STARD13: variants seen among roughly 807,000 people sequenced by gnomAD.
The protein encoded by STARD13 is stAR-related lipid transfer protein 13.
In STARD13, 62 loss-of-function variants were observed where a neutral mutation model predicts 106.4. The observed-to-expected ratio is 0.58, with a 90% confidence interval of 0.48 to 0.72. STARD13 has a LOEUF of 0.72. STARD13 is among the 30% of genes least tolerant of loss of function. The pLI, the probability that STARD13 is intolerant of heterozygous loss-of-function variation, is 0.00. For synonymous variants in STARD13, 565 were observed against 553.0 expected (o/e 1.02, Z -0.31); for missense variants, 1,387 against 1,424.0 (o/e 0.97, Z 0.42).
the STARD13 span, among the ~76,000 whole-genome samples, chr13:33,648,090 T>G: frequency 6.6e-6 from 1 of 152,202 alleles, no homozygotes; most frequent in East Asian, 1.9e-4. Context: ...ATTTTAATCT[T>G]TCCAACTGCC....
the STARD13 span, among the ~76,000 whole-genome samples, chr13:33,513,894 C>G: frequency 6.6e-6 from 1 of 151,870 alleles, no homozygotes; most frequent in Non-Finnish European, 1.5e-5. Flanking sequence ...ATTCACGTAA[C>G]GTAACAAGGA....
At chr13:33,210,518 C>A (rs1011722171) in intron 1 of STARD13, among the ~76,000 whole-genome samples, 5 of 152,104 alleles carry the variant, frequency 3.3e-5, no homozygotes, top group African/African-American at 9.7e-5. Flanking sequence ...AGATTTAGTG[C>A]GTTAATGTAC....
intron 1 of STARD13, among the ~76,000 whole-genome samples, chr13:33,295,709 G>C (rs536795689): frequency 9.9e-5 from 15 of 152,214 alleles, no homozygotes; most frequent in East Asian, 7.7e-4. Context: ...GTGCCCGGGG[G>C]GGGCAGAGGA....
intron 1 of STARD13, among the ~76,000 whole-genome samples, chr13:33,331,097 A>G (rs76205277): frequency 0.035 from 5,270 of 151,684 alleles, 331 homozygotes; most frequent in African/African-American, 0.12. Flanking sequence ...CCAAAGGATG[A>G]GCTTTGCAAG....
At chr13:33,310,295 G>C (rs1893082247) in intron 1 of STARD13, among the ~76,000 whole-genome samples, 1 of 151,970 alleles carries the variant, frequency 6.6e-6, no homozygotes, top group Non-Finnish European at 1.5e-5. Context: ...AATAATTAGG[G>C]GATTGCAAAA....
chr13:33,675,332 GC>G, the STARD13 span, among the ~76,000 whole-genome samples: 1 of 152,194 alleles, frequency 6.6e-6, no homozygotes, highest in Non-Finnish European at 1.5e-5. Flanking sequence ...AAAGCATAAA[GC>G]CATGAGAATA....
At chr13:33,374,721 A>G in the STARD13 span, among the ~76,000 whole-genome samples, 8 of 152,278 alleles carry the variant, frequency 5.3e-5, no homozygotes, top group East Asian at 1.2e-3. Context: ...GGTATCCTAC[A>G]AAAAGTGACC....
At chr13:33,673,412 G>T in the STARD13 span, among the ~76,000 whole-genome samples, 1 of 152,132 alleles carries the variant, frequency 6.6e-6, no homozygotes, top group South Asian at 2.1e-4. Context: ...TAAACTCTTT[G>T]TGAGTCCTCT....
the STARD13 span, among the ~76,000 whole-genome samples, chr13:33,411,437 T>G: frequency 9.2e-5 from 14 of 152,158 alleles, no homozygotes; most frequent in Non-Finnish European, 1.2e-4. Context: ...CAAATGCATT[T>G]CTGCTATTGA....
At chr13:33,422,675 T>C in the STARD13 span, among the ~76,000 whole-genome samples, 1 of 152,134 alleles carries the variant, frequency 6.6e-6, no homozygotes, top group East Asian at 1.9e-4. Flanking sequence ...GGAGGCATCA[T>C]GCTACCTGAC....
At position 33,104,888 on chromosome 13, in the gene STARD13, A is replaced by G. The variant is rs1873496124; in HGVS notation, c.*705T>C. Reference sequence around the variant, plus strand: ...GCTTTAAATTTGGTAATGACTTCTCACCCCCCCATTTGCTTTAAGGAGGAG... The same window carrying G: ...GCTTTAAATTTGGTAATGACTTCTCGCCCCCCCATTTGCTTTAAGGAGGAG... On this transcript the variant is annotated 3_prime_UTR_variant, in exon 14 of 14. Coordinates refer to ENST00000336934, the MANE Select transcript of STARD13 (RefSeq NM_178006.4). 6.6e-6 allele frequency: 1 copy of G among 152,406 alleles called. No homozygotes were observed. Among genetic ancestry groups the G allele is most frequent in the Non-Finnish European group, 1.5e-5 (1 of 67,870 alleles). The allele number at this position is 152,406 out of a possible 1,614,324, so 9.4% of individuals were successfully genotyped here.
chr13:33,265,358 T>G (rs1332761177), intron 1 of STARD13, among the ~76,000 whole-genome samples: 2 of 152,240 alleles, frequency 1.3e-5, no homozygotes, highest in Non-Finnish European at 2.9e-5. Flanking sequence ...AAAATCTCCT[T>G]CTTGCTAAGA....
rs367982279 is a variant in STARD13 at position 33,110,106 on chromosome 13, G to A, written c.2830-16C>T. ...CGTCGCCCACCTTGGGAAAGACAAC[G>A]TCAGAAGCTGAAGAGGTTGTCTGGG... On this transcript the variant is annotated splice_polypyrimidine_tract_variant and intron_variant, in intron 11 of 13. Coordinates refer to ENST00000336934, the MANE Select transcript of STARD13 (RefSeq NM_178006.4). 8.7e-6 allele frequency: 14 copies of A among 1,611,968 alleles called. No individual in the cohort carries two copies. Among genetic ancestry groups the A allele is most frequent in the Middle Eastern group, 1.7e-4 (1 of 6,046 alleles).
intron 1 of STARD13, among the ~76,000 whole-genome samples, chr13:33,273,278 A>G (rs1028122741): frequency 7.2e-5 from 11 of 152,198 alleles, no homozygotes; most frequent in African/African-American, 2.7e-4. Context: ...GTCATGCACT[A>G]CACTGGTGAA....
chr13:33,379,039 A>G, the STARD13 span, among the ~76,000 whole-genome samples: 2 of 151,838 alleles, frequency 1.3e-5, no homozygotes, highest in East Asian at 1.9e-4. Context: ...GAGCCTGGGA[A>G]GTCGAGGCTG....
In STARD13 at chr13:33,222,618, A is replaced by G. The variant is rs752242149; in HGVS notation, c.170-54996T>C. ...GCAGATAGACAACATTTCCCAAAGCACCTTCTGTTGCCTTTTCCTACGACA... is the reference window on the plus strand; with the variant it reads ...GCAGATAGACAACATTTCCCAAAGCGCCTTCTGTTGCCTTTTCCTACGACA... On this transcript the variant is annotated intron_variant, in intron 1 of 13. Transcript: ENST00000336934. Among the ~76,000 whole-genome samples, 9 of 152,178 alleles carry G rather than the reference A, an allele frequency of 5.9e-5. No homozygotes were observed. The East Asian group carries it at 1.7e-3, about 29-fold the overall frequency.
chr13:33,155,338 G>A (rs1324696609), intron 3 of STARD13: 4 of 152,172 alleles, frequency 2.6e-5, no homozygotes, highest in African/African-American at 9.7e-5. Context: ...AGGCTGTTAT[G>A]AAAATTAAGT....
At chr13:33,670,862 T>C in the STARD13 span, among the ~76,000 whole-genome samples, 4 of 152,202 alleles carry the variant, frequency 2.6e-5, no homozygotes, top group African/African-American at 9.6e-5. Context: ...CCATGAAGGA[T>C]TTACAAAAAT....
At chr13:33,147,960 C>T (rs948971897) in intron 3 of STARD13, among the ~76,000 whole-genome samples, 5 of 152,176 alleles carry the variant, frequency 3.3e-5, no homozygotes, top group Non-Finnish European at 7.3e-5. Flanking sequence ...AAAGGCAATA[C>T]GATGGATAAA....
Sources: allele counts gnomAD v4.1 joint callset (sites outside exome capture counted in the v4.1 genomes callset), GRCh38; gene constraint gnomAD v4.1.1; transcripts MANE v1.5; gene names NCBI Gene and HGNC (gene_info 2026-07-23, HGNC 2026-07-21).